Variants in PDE4D observed in about 807,000 individuals in gnomAD.
The protein encoded by PDE4D is 3',5'-cyclic-AMP phosphodiesterase 4D.
Under a neutral mutation model 87.4 loss-of-function variants are expected in PDE4D, and 24 were observed. The observed-to-expected ratio is 0.27, with a 90% confidence interval of 0.20 to 0.39. PDE4D has a LOEUF of 0.39. Among genes scored for constraint, PDE4D ranks in the 10% least tolerant of loss-of-function variants. The probability of loss-of-function intolerance (pLI) is 1.00; values close to 1 mark genes in which losing one functional copy is unlikely to be tolerated. For synonymous variants in PDE4D, 384 were observed against 383.2 expected, an observed-to-expected ratio of 1.00 and a Z score of -0.02; for missense variants, 714 against 1,041.0, an observed-to-expected ratio of 0.69 and a Z score of 4.32.
chr5:60,499,401 A>G (rs1749964469), intron 1 of PDE4D, among the ~76,000 whole-genome samples: 1 of 152,194 alleles, frequency 6.6e-6, no homozygotes, highest in African/African-American at 2.4e-5. Context: ...ACTTTCATTG[A>G]GATTTCAGCA....
intron 1 of PDE4D, among the ~76,000 whole-genome samples, chr5:59,291,657 T>C (rs1170033712): frequency 2.0e-5 from 3 of 151,956 alleles, no homozygotes; most frequent in Non-Finnish European, 4.4e-5. Context: ...TTATTATGCA[T>C]TGTATGTTTG....
chr5:60,105,917 A>C (rs1776844327), intron 2 of PDE4D, among the ~76,000 whole-genome samples: 1 of 152,252 alleles, frequency 6.6e-6, no homozygotes, highest in African/African-American at 2.4e-5. Context: ...CAAATTGTAA[A>C]GACCATCGAT....
At chr5:59,608,634 T>C (rs572248677) in intron 1 of PDE4D, among the ~76,000 whole-genome samples, 24 of 152,238 alleles carry the variant, frequency 1.6e-4, no homozygotes, top group African/African-American at 5.3e-4. Context: ...GAAGAAGCTA[T>C]GATTTAGACA....
chr5:59,444,540 C>T (rs966298590), intron 1 of PDE4D, among the ~76,000 whole-genome samples: 3 of 152,098 alleles, frequency 2.0e-5, no homozygotes, highest in Admixed American at 6.5e-5. Flanking sequence ...CAGTCGGGCG[C>T]GGTGGCTCAC....
chr5:59,000,963 A>G (rs1436819407), intron 6 of PDE4D, among the ~76,000 whole-genome samples: 1 of 152,194 alleles, frequency 6.6e-6, no homozygotes, highest in East Asian at 1.9e-4. Context: ...TGCTGGGATT[A>G]CAGGTGTGAG....
intron 1 of PDE4D, among the ~76,000 whole-genome samples, chr5:59,534,592 C>T (rs955569834): frequency 6.6e-6 from 1 of 152,140 alleles, no homozygotes; most frequent in African/African-American, 2.4e-5. Context: ...GAATAGTATG[C>T]ACATGAAAGT....
At chr5:59,173,783 C>T (rs79941052) in intron 5 of PDE4D, among the ~76,000 whole-genome samples, 2,221 of 152,274 alleles carry the variant, frequency 0.015, 30 homozygotes, top group Middle Eastern at 0.02. Context: ...CTGGCAATGG[C>T]TGGGTCTCTT....
chr5:60,177,965 A>G (rs1460437162), intron 2 of PDE4D, among the ~76,000 whole-genome samples: 3 of 152,102 alleles, frequency 2.0e-5, no homozygotes, highest in Non-Finnish European at 4.4e-5. Context: ...ATGTCTACAT[A>G]TGCACAAATT....
chr5:59,192,016 C>T (rs1353711218), intron 3 of PDE4D, among the ~76,000 whole-genome samples: 1 of 152,162 alleles, frequency 6.6e-6, no homozygotes, highest in Admixed American at 6.5e-5. Context: ...GCAAAACCTT[C>T]AGCAAACAAG....
chr5:59,621,429 T>C (rs1325770487), intron 1 of PDE4D, among the ~76,000 whole-genome samples: 2 of 152,228 alleles, frequency 1.3e-5, no homozygotes, highest in Non-Finnish European at 2.9e-5. Context: ...CCCTGAATTA[T>C]AGGTTCTCAC....
intron 2 of PDE4D, among the ~76,000 whole-genome samples, chr5:60,092,535 A>ATATCACATG (rs1775242907): frequency 6.6e-6 from 1 of 152,112 alleles, no homozygotes; most frequent in Admixed American, 6.5e-5. Context: ...ATGTATAAAA[A>ATATCACATG]TATCACATGT....
intron 1 of PDE4D, among the ~76,000 whole-genome samples, chr5:60,332,107 T>G (rs540770233): frequency 6.6e-6 from 1 of 152,338 alleles, no homozygotes; most frequent in African/African-American, 2.4e-5. Flanking sequence ...TAAACATACT[T>G]TGTATAATGA....
chr5:60,384,006 A>G (rs1398492569), intron 1 of PDE4D, among the ~76,000 whole-genome samples: 2 of 152,230 alleles, frequency 1.3e-5, no homozygotes, highest in Non-Finnish European at 2.9e-5. Flanking sequence ...ATTCTTAACC[A>G]CAAATAACTA....
chr5:59,159,725 T>A (rs962571751), intron 5 of PDE4D, among the ~76,000 whole-genome samples: 8 of 152,200 alleles, frequency 5.3e-5, no homozygotes, highest in African/African-American at 1.9e-4. Flanking sequence ...CAGAAATGAA[T>A]TGCCCTCAAC....
intron 1 of PDE4D, among the ~76,000 whole-genome samples, chr5:59,462,224 C>T (rs1230342104): frequency 6.6e-6 from 1 of 151,810 alleles, no homozygotes; most frequent in African/African-American, 2.4e-5. Context: ...TTCCCTTCTT[C>T]AAATTATTTT....
rs187442618 is a variant in PDE4D at position 60,511,009 on chromosome 5, G to A, written n.70+11042C>T. Among the ~76,000 whole-genome samples, 241 of 152,076 alleles carry A rather than the reference G, an allele frequency of 1.6e-3. 1 individual carries two copies. Among genetic ancestry groups the A allele is most frequent in the East Asian group, 5.0e-3 (26 of 5,176 alleles). On this transcript the variant is annotated intron_variant and non_coding_transcript_variant, in intron 1 of 2. Coordinates refer to the PDE4D transcript ENST00000506510. ...TTCTTTGAGACAGTCTTGCACTGTC[G>A]CCCAGGCTGGAGTGGAGTGCAGTGG...
intron 6 of PDE4D, among the ~76,000 whole-genome samples, chr5:59,015,048 G>A (rs1036203503): frequency 7.2e-5 from 11 of 152,152 alleles, no homozygotes; most frequent in African/African-American, 2.7e-4. Flanking sequence ...AATAAATGGT[G>A]CTGGGAAAAC....
intron 6 of PDE4D, among the ~76,000 whole-genome samples, chr5:59,031,362 GAT>G (rs137969980): frequency 2.2e-3 from 249 of 111,838 alleles, no homozygotes; most frequent in South Asian, 0.018. Flanking sequence ...AAGAAAATGT[GAT>G]ATATATATAT....
At chr5:60,178,155 C>T (rs1004741252) in intron 2 of PDE4D, among the ~76,000 whole-genome samples, 1 of 152,106 alleles carries the variant, frequency 6.6e-6, no homozygotes, top group African/African-American at 2.4e-5. Context: ...AAAATACTGT[C>T]CCAGTGCTAG....
Sources: allele counts gnomAD v4.1 joint callset (sites outside exome capture counted in the v4.1 genomes callset), GRCh38; gene constraint gnomAD v4.1.1; transcripts MANE v1.5; gene names NCBI Gene and HGNC (gene_info 2026-07-23, HGNC 2026-07-21).